EPHA5: variants seen among roughly 807,000 people sequenced by gnomAD.
The protein encoded by EPHA5 is EPH receptor A5.
A neutral mutation model predicts 105.0 loss-of-function variants in EPHA5; 60 were observed. The ratio of observed to expected loss-of-function variants is 0.57; its 90% confidence interval spans 0.46 to 0.71. The LOEUF is 0.71. Among genes scored for constraint, EPHA5 ranks in the 30% least tolerant of loss-of-function variants. The probability of loss-of-function intolerance (pLI) is 0.00; values close to 1 mark genes in which losing one functional copy is unlikely to be tolerated. For missense variants in EPHA5, 1,218 were observed against 1,274.7 expected, an observed-to-expected ratio of 0.96 and a Z score of 0.68; for synonymous variants, 513 against 449.1, an observed-to-expected ratio of 1.14 and a Z score of -1.80.
At chr4:65,580,447 C>T (rs1484532364) in intron 3 of EPHA5, among the ~76,000 whole-genome samples, 2 of 151,640 alleles carry the variant, frequency 1.3e-5, no homozygotes, top group African/African-American at 4.8e-5. Context: ...AAATGCAGTC[C>T]TTCCAATGAT....
chr4:65,492,573 G>A (rs1007034464), intron 4 of EPHA5, among the ~76,000 whole-genome samples: 1 of 143,120 alleles, frequency 7.0e-6, no homozygotes, highest in Non-Finnish European at 1.5e-5. Context: ...TCCCCACCTT[G>A]ACCATGTTTG....
chr4:65,404,738 T>C (rs1011496848), intron 7 of EPHA5, among the ~76,000 whole-genome samples: 2 of 152,196 alleles, frequency 1.3e-5, no homozygotes, highest in African/African-American at 4.8e-5. Flanking sequence ...AATGAATGCA[T>C]GTTGTTTGCA....
At chr4:65,632,617 C>G (rs1746754282) in intron 2 of EPHA5, among the ~76,000 whole-genome samples, 3 of 150,398 alleles carry the variant, frequency 2.0e-5, no homozygotes, top group Admixed American at 2.0e-4. Context: ...GATTATCAAT[C>G]AGTAACTGAT....
chr4:65,568,189 A>C (rs967914903), intron 3 of EPHA5, among the ~76,000 whole-genome samples: 1 of 151,458 alleles, frequency 6.6e-6, no homozygotes, highest in Non-Finnish European at 1.5e-5. Flanking sequence ...ACAACTTTTA[A>C]TTTTTATTAA....
Position 65,550,363 on chromosome 4 carries a change from G to A in EPHA5, c.910+51278C>T, listed in dbSNP as rs569929689. ...CAAATAGTTGATATTTATCCATTTT[G>A]ACATGTTAAAATGAATATTTTATTT... On this transcript the variant is annotated intron_variant, in intron 3 of 16. Transcript: ENST00000613740. 2.6e-5 allele frequency among the ~76,000 whole-genome samples: 4 copies of A among 152,076 alleles called. No individual in the cohort carries two copies. In the East Asian group the frequency reaches 7.7e-4, roughly 29 times the overall value.
intron 8 of EPHA5, among the ~76,000 whole-genome samples, chr4:65,382,635 GT>G (rs1719672567): frequency 2.6e-5 from 4 of 151,794 alleles, no homozygotes; most frequent in African/African-American, 9.7e-5. Context: ...CTACTCATGT[GT>G]AACACAGTGG....
At chr4:65,421,662 A>C (rs1307765201) in intron 5 of EPHA5, among the ~76,000 whole-genome samples, 2 of 152,122 alleles carry the variant, frequency 1.3e-5, no homozygotes, top group Non-Finnish European at 2.9e-5. Flanking sequence ...GATAGCTGTC[A>C]GTTTTTACCT....
intron 3 of EPHA5, among the ~76,000 whole-genome samples, chr4:65,526,567 AATAAG>A (rs199827857): frequency 0.011 from 1,646 of 152,028 alleles, 16 homozygotes; most frequent in Non-Finnish European, 0.016. Flanking sequence ...TAGGGTGTAA[AATAAG>A]ATAAGTTAAT....
intron 5 of EPHA5, among the ~76,000 whole-genome samples, chr4:65,427,470 C>T (rs1458392642): frequency 1.3e-5 from 2 of 151,960 alleles, no homozygotes; most frequent in Non-Finnish European, 1.5e-5. Context: ...CGTGAGTCAC[C>T]GCGCCCCGTC....
chr4:65,491,354 TAC>T (rs1731382091), intron 4 of EPHA5, among the ~76,000 whole-genome samples: 2 of 152,128 alleles, frequency 1.3e-5, no homozygotes, highest in African/African-American at 4.8e-5. Context: ...GTTTTTATAT[TAC>T]AGTTCTGCAA....
chr4:65,393,928 T>G (rs1720969202), intron 8 of EPHA5, among the ~76,000 whole-genome samples: 1 of 152,158 alleles, frequency 6.6e-6, no homozygotes, highest in African/African-American at 2.4e-5. Context: ...GGACCTACAT[T>G]GTAATCTGGA....
At chr4:65,415,141 C>T (rs927239738) in intron 6 of EPHA5, among the ~76,000 whole-genome samples, 12 of 151,986 alleles carry the variant, frequency 7.9e-5, no homozygotes, top group African/African-American at 2.7e-4. Flanking sequence ...ATTTTGATGC[C>T]AACAAAAGTT....
At chr4:65,486,031 A>T (rs935658611) in intron 5 of EPHA5, among the ~76,000 whole-genome samples, 1 of 152,202 alleles carries the variant, frequency 6.6e-6, no homozygotes, top group Non-Finnish European at 1.5e-5. Context: ...CCACCAGAAA[A>T]GAAAAGAGAA....
At chr4:65,419,785 A>G (rs959372399) in intron 6 of EPHA5, among the ~76,000 whole-genome samples, 1 of 152,138 alleles carries the variant, frequency 6.6e-6, no homozygotes, top group African/African-American at 2.4e-5. Context: ...TCTTTCATCA[A>G]TAGCTCACTT....
intron 5 of EPHA5, among the ~76,000 whole-genome samples, chr4:65,455,654 AAAT>A (rs1295990835): frequency 2.6e-5 from 4 of 152,172 alleles, no homozygotes; most frequent in Admixed American, 2.6e-4. Context: ...ACTTATTAGA[AAAT>A]AATTTTATTT....
At chr4:65,338,677 T>G (rs1228069978) in intron 14 of EPHA5, among the ~76,000 whole-genome samples, 1 of 152,196 alleles carries the variant, frequency 6.6e-6, no homozygotes, top group Non-Finnish European at 1.5e-5. Context: ...GTCATGAAAT[T>G]TAATTCTAAA....
chr4:65,343,125 T>C (rs1465082079), intron 14 of EPHA5, among the ~76,000 whole-genome samples: 3 of 152,166 alleles, frequency 2.0e-5, no homozygotes, highest in Non-Finnish European at 4.4e-5. Flanking sequence ...AAAGACCTTG[T>C]CACTAAAAAT....
At chr4:65,365,350 G>C (rs1240073813) in intron 10 of EPHA5, 148 bp from the exon 11 acceptor site, 2 of 663,948 alleles carry the variant, frequency 3.0e-6, no homozygotes, top group South Asian at 3.9e-5. Flanking sequence ...TCAGAAAAGG[G>C]TAGTCTACAC....
intron 8 of EPHA5, among the ~76,000 whole-genome samples, chr4:65,396,458 G>C (rs1293013674): frequency 6.6e-6 from 1 of 152,210 alleles, no homozygotes; most frequent in Admixed American, 6.5e-5. Flanking sequence ...CCTGCAAGCA[G>C]TGCAGAATTT....
Sources: allele counts gnomAD v4.1 joint callset (sites outside exome capture counted in the v4.1 genomes callset), GRCh38; gene constraint gnomAD v4.1.1; transcripts MANE v1.5; gene names NCBI Gene and HGNC (gene_info 2026-07-23, HGNC 2026-07-21).